The following ASXL1 variants were observed in gnomAD, a reference collection of about 807,000 sequenced individuals.
ASXL1 encodes polycomb group protein ASXL1.
ASXL1 carries 65 observed loss-of-function variants against 89.1 expected under a neutral mutation model. That is an observed-to-expected ratio of 0.73 (90% confidence interval 0.60 to 0.90). The LOEUF (loss-of-function observed/expected upper bound fraction) is 0.90, where lower values mean the gene tolerates loss of function less well. ASXL1 is among the 40% of genes least tolerant of loss of function. The pLI, the probability that ASXL1 is intolerant of heterozygous loss-of-function variation, is 0.00. For missense variants in ASXL1, 1,786 were observed against 1,942.9 expected (o/e 0.92, Z 1.52); for synonymous variants, 739 against 746.9 (o/e 0.99, Z 0.17).
intron 6 of ASXL1, chr20:32,428,972 A>G (rs2123215399): frequency 2.8e-6 from 1 of 352,944 alleles, no homozygotes; most frequent in East Asian, 7.1e-5. Flanking sequence ...GATTCTGTTC[A>G]TTCTTGTAAT....
chr20:32,423,765 T>G (rs2011201122), intron 4 of ASXL1, among the ~76,000 whole-genome samples: 1 of 152,092 alleles, frequency 6.6e-6, no homozygotes, highest in African/African-American at 2.4e-5. Context: ...GTCAGGCTGG[T>G]CTCGAACTCT....
intron 4 of ASXL1, among the ~76,000 whole-genome samples, chr20:32,373,695 T>C (rs1252830283): frequency 6.6e-6 from 1 of 151,956 alleles, no homozygotes; most frequent in Non-Finnish European, 1.5e-5. Context: ...GGTGAAACCC[T>C]GTCTCTACTG....
intron 4 of ASXL1, among the ~76,000 whole-genome samples, chr20:32,392,326 A>C (rs1211248108): frequency 1.4e-5 from 2 of 139,990 alleles, no homozygotes; most frequent in Admixed American, 7.5e-5. Flanking sequence ...CTTGTTGCCC[A>C]CTCTGGAGTG....
At chr20:32,362,681 G>A (rs570071729) in intron 1 of ASXL1, among the ~76,000 whole-genome samples, 5 of 152,126 alleles carry the variant, frequency 3.3e-5, no homozygotes, top group Non-Finnish European at 7.4e-5. Context: ...AAAACCTTTC[G>A]TAGAGGAAAG....
chr20:32,384,821 G>A (rs1022133941), intron 4 of ASXL1, among the ~76,000 whole-genome samples: 1 of 152,110 alleles, frequency 6.6e-6, no homozygotes, highest in African/African-American at 2.4e-5. Context: ...AGCAGAGTGG[G>A]CAGGATGCTT....
intron 1 of ASXL1, among the ~76,000 whole-genome samples, chr20:32,361,381 T>C (rs1383627792): frequency 1.3e-5 from 2 of 151,504 alleles, no homozygotes; most frequent in Non-Finnish European, 2.9e-5. Flanking sequence ...GGCTCACGCC[T>C]GTAATCCCAG....
At chr20:32,407,961 G>A (rs999050585) in intron 4 of ASXL1, among the ~76,000 whole-genome samples, 6 of 151,934 alleles carry the variant, frequency 3.9e-5, no homozygotes, top group African/African-American at 1.5e-4. Flanking sequence ...TTTTTGAGAG[G>A]GAGTCTAGCT....
chr20:32,382,514 T>C (rs1003912067), intron 4 of ASXL1, among the ~76,000 whole-genome samples: 12 of 150,116 alleles, frequency 8.0e-5, no homozygotes, highest in Non-Finnish European at 1.3e-4. Flanking sequence ...CTCATACCTG[T>C]AATCCCAGCA....
chr20:32,401,024 A>G (rs2048862429), intron 4 of ASXL1, among the ~76,000 whole-genome samples: 2 of 152,222 alleles, frequency 1.3e-5, no homozygotes. Context: ...GGTTTACTAA[A>G]AGCTGCAGAA....
At chr20:32,393,198 T>C (rs2048702813) in intron 4 of ASXL1, among the ~76,000 whole-genome samples, 1 of 152,224 alleles carries the variant, frequency 6.6e-6, no homozygotes, top group Non-Finnish European at 1.5e-5. Context: ...ACTTATAAGG[T>C]ACATAAGCAT....
chr20:32,427,777 A>G (rs1163381654), intron 4 of ASXL1: 4 of 362,504 alleles, frequency 1.1e-5, no homozygotes, highest in Non-Finnish European at 2.1e-5. Flanking sequence ...TATGTACTGT[A>G]CTTTGTATTG....
chr20:32,399,314 TCTG>T (rs1393943939), intron 4 of ASXL1, among the ~76,000 whole-genome samples: 1 of 152,124 alleles, frequency 6.6e-6, no homozygotes, highest in African/African-American at 2.4e-5. Flanking sequence ...TAACAAGAAA[TCTG>T]CTATCTTTGT....
intron 4 of ASXL1, among the ~76,000 whole-genome samples, chr20:32,417,829 G>T (rs117127312): frequency 6.6e-6 from 1 of 151,942 alleles, no homozygotes; most frequent in Admixed American, 6.6e-5. Context: ...GATTGCTTGC[G>T]CTCAGGAGTT....
chr20:32,358,975 C>G (rs1358861953), intron 1 of ASXL1, 143 bp downstream of exon 1: 16 of 940,310 alleles, frequency 1.7e-5, no homozygotes, highest in Non-Finnish European at 2.3e-5. Context: ...CGGGACAGCC[C>G]CGCAAGGCGA....
chr20:32,428,193 T>A lies in ASXL1; in HGVS notation c.318T>A (p.Ala106=). The part of the protein sequence containing the change: ...TVEGEEPEDT[A]DVESCGSNEA... ...AGGGAGAGGAGCCAGAGGACACGGC[T>A]GATGTGGAGAGCTGTGGGTCTAATG... The change falls in exon 5 of 13, where the codon GCT becomes GCA. Residue 106 remains alanine, a synonymous_variant. Transcript: ENST00000375687. 6.2e-7 allele frequency: 1 copy of A among 1,614,106 alleles called. No homozygotes were observed. The highest frequency in any genetic ancestry group is 8.5e-7 in the Non-Finnish European group (1 of 1,180,022).
In ASXL1 at chr20:32,436,527, C is replaced by A. The variant is rs775363893; in HGVS notation, c.3815C>A (p.Pro1272His). The change falls in exon 13 of 13, where the codon CCT becomes CAT. Residue 1272 changes from proline to histidine, a missense_variant. Pro to His is a moderately conservative substitution (Grantham distance 77). Coordinates refer to ENST00000375687, the MANE Select transcript of ASXL1 (RefSeq NM_015338.6). ...GGAGATCTTACTACCTCGAGAACAC[C>A]TCGTTTCTCATCTCCAAATGTGATC... ...SPGDLTTSRT[P>H]RFSSPNVISF... is the part of the protein sequence containing the mutation. The A allele has an allele frequency of 6.2e-7, 1 of 1,614,242 alleles. No individual in the cohort carries two copies. Among genetic ancestry groups the A allele is most frequent in the Middle Eastern group, 1.6e-4 (1 of 6,062 alleles).
chr20:32,371,228 C>T (rs181966947), intron 4 of ASXL1, among the ~76,000 whole-genome samples: 48 of 152,156 alleles, frequency 3.2e-4, no homozygotes, highest in Admixed American at 2.3e-3. Context: ...TAAATGATAG[C>T]CTTTATGATG....
chr20:32,401,544 G>GTGTGTGTGTTTT (rs35101542), intron 4 of ASXL1, among the ~76,000 whole-genome samples: 2 of 69,330 alleles, frequency 2.9e-5, no homozygotes, highest in African/African-American at 6.9e-5. Context: ...GTGTGTGTGT[G>GTGTGTGTGTTTT]TTTTTTCCCC....
chr20:32,436,324 C>G lies in ASXL1; in HGVS notation c.3612C>G (p.Cys1204Trp), dbSNP rs201397030. 1.4e-5 allele frequency: 22 copies of G among 1,613,994 alleles called. No homozygotes were observed. In the East Asian group the frequency reaches 4.2e-4, roughly 31 times the overall value. ...CTCCTGGAGCACCCCAAAAGAATTG[C>G]AAGGCAGTCCCAAGTTTTGACTCCC... The part of the protein sequence containing the change: ...TQAPGAPQKN[C>W]KAVPSFDSLH... The change falls in exon 13 of 13, where the codon TGC (cysteine) becomes TGG (tryptophan). Residue 1204 changes from cysteine to tryptophan, a missense_variant. By Grantham distance (215) the Cys-to-Trp change is radical. This residue lies in a region of ASXL1 where 1,418 missense variants were observed against 1,427.8 expected (regional missense o/e 0.99). Transcript: ENST00000375687.
Sources: allele counts gnomAD v4.1 joint callset (sites outside exome capture counted in the v4.1 genomes callset), GRCh38; gene constraint gnomAD v4.1.1; regional missense constraint gnomAD v4.1.1; transcripts MANE v1.5; gene names NCBI Gene and HGNC (gene_info 2026-07-23, HGNC 2026-07-21).